The following LRRC75A variants were observed in gnomAD, a reference collection of about 807,000 sequenced individuals.
LRRC75A encodes leucine rich repeat containing 75A.
Under a neutral mutation model 26.0 loss-of-function variants are expected in LRRC75A, and 12 were observed. The observed-to-expected ratio is 0.46, with a 90% CI of 0.30 to 0.75. The LOEUF (loss-of-function observed/expected upper bound fraction) is 0.75. Among genes scored for constraint, LRRC75A ranks in the 30% least tolerant of loss-of-function variants. The pLI is 0.08. For missense variants in LRRC75A, 410 were observed against 486.6 expected (o/e 0.84, Z 1.48); for synonymous variants, 223 against 219.3 (o/e 1.02, Z -0.15).
intron 1 of LRRC75A, among the ~76,000 whole-genome samples, chr17:16,468,678 T>G (rs1169882027): frequency 1.3e-5 from 2 of 152,236 alleles, no homozygotes; most frequent in Non-Finnish European, 2.9e-5. Flanking sequence ...CTGAGCTGTA[T>G]GCTTAAAGAT....
chr17:16,480,454 A>T (rs557142875), intron 1 of LRRC75A, among the ~76,000 whole-genome samples: 10 of 151,910 alleles, frequency 6.6e-5, no homozygotes, highest in African/African-American at 2.4e-4. Flanking sequence ...ACACGGTGAA[A>T]CCCCATATCT....
Position 16,443,833 on chromosome 17 carries a change from T to A in LRRC75A, c.790A>T (p.Thr264Ser), listed in dbSNP as rs768665612. Reference protein sequence around the residue: ...LKDPSKFPNVTWIDLGNNVDI... With the variant: ...LKDPSKFPNVSWIDLGNNVDI... The stretch of plus-strand genomic sequence containing the variant: ...ACGTTGTTGCCCAGGTCAATCCACG[T>A]GACATTGGGGAACTTGCTGGGATCC... Residue 264 changes from threonine to serine, a missense_variant, in exon 4 of 4, where the codon ACG becomes TCG. By Grantham distance (58) the Thr-to-Ser change is moderately conservative. Transcript: ENST00000470794. The A allele has an allele frequency of 1.9e-6, 3 of 1,613,898 alleles. No homozygotes were observed. Among genetic ancestry groups the A allele is most frequent in the Non-Finnish European group, 2.5e-6 (3 of 1,179,886 alleles).
At chr17:16,479,338 G>A (rs761624028) in intron 1 of LRRC75A, among the ~76,000 whole-genome samples, 4 of 152,372 alleles carry the variant, frequency 2.6e-5, no homozygotes, top group Non-Finnish European at 5.9e-5. Flanking sequence ...GGTGATTTGA[G>A]AAGGCTGTGC....
intron 3 of LRRC75A, among the ~76,000 whole-genome samples, chr17:16,445,147 C>CT: frequency 7.0e-6 from 1 of 143,740 alleles, no homozygotes; most frequent in Non-Finnish European, 1.5e-5. Flanking sequence ...ACACGCCTGG[C>CT]CATTTTCTGC....
intron 3 of LRRC75A, among the ~76,000 whole-genome samples, chr17:16,446,404 G>T (rs893211602): frequency 6.6e-6 from 1 of 152,146 alleles, no homozygotes; most frequent in East Asian, 1.9e-4. Context: ...AGAAGGTAGC[G>T]TGTGGACTGA....
chr17:16,463,399 C>G (rs1219960523), intron 1 of LRRC75A: 1 of 152,320 alleles, frequency 6.6e-6, no homozygotes, highest in Non-Finnish European at 1.5e-5. Context: ...GTCCCTGACC[C>G]TAGCTTGGTG....
chr17:16,461,594 C>T (rs2093727945), intron 2 of LRRC75A, among the ~76,000 whole-genome samples: 1 of 152,168 alleles, frequency 6.6e-6, no homozygotes, highest in African/African-American at 2.4e-5. Context: ...CTTCCGAGCT[C>T]CCAGGGCCAG....
intron 1 of LRRC75A, among the ~76,000 whole-genome samples, chr17:16,474,102 G>A (rs147518400): frequency 1.8e-4 from 27 of 152,284 alleles, no homozygotes; most frequent in African/African-American, 6.3e-4. Context: ...GTTGGGAGGC[G>A]CATCAAGCCA....
chr17:16,486,763 C>T (rs2093847978), intron 1 of LRRC75A, among the ~76,000 whole-genome samples: 1 of 152,230 alleles, frequency 6.6e-6, no homozygotes, highest in African/African-American at 2.4e-5. Context: ...AACAGCCAAG[C>T]CCTGTGGACA....
intron 2 of LRRC75A, among the ~76,000 whole-genome samples, chr17:16,449,074 GC>G (rs1424217289): frequency 6.6e-6 from 1 of 152,212 alleles, no homozygotes; most frequent in Non-Finnish European, 1.5e-5. Context: ...CTGCCAGTGG[GC>G]CAGTGCTGAG....
intron 1 of LRRC75A, among the ~76,000 whole-genome samples, chr17:16,482,206 G>A (rs2093835998): frequency 1.3e-5 from 2 of 152,296 alleles, no homozygotes; most frequent in African/African-American, 2.4e-5. Context: ...GTGGGATGGG[G>A]GGCATCACAG....
At chr17:16,473,868 G>A (rs970767465) in intron 1 of LRRC75A, among the ~76,000 whole-genome samples, 3 of 152,158 alleles carry the variant, frequency 2.0e-5, no homozygotes, top group African/African-American at 7.2e-5. Context: ...TCAGCGGGCT[G>A]GGCAGCGATG....
At position 16,491,669 on chromosome 17, in the gene LRRC75A, T is replaced by A. The variant is rs2093857577; in HGVS notation, c.246+76A>T. On this transcript the variant is annotated intron_variant, in intron 1 of 3. Coordinates refer to ENST00000470794, the MANE Select transcript of LRRC75A (RefSeq NM_001113567.3). The surrounding 1 kb of genome is among the most constrained non-coding windows in gnomAD (Gnocchi z 5.9). ...CCTCGGTGCCCCCGGCTTCCTCGGT[T>A]AGGGATGGGGCGCCCCCCCCGGCCC... 1 of 1,116,406 alleles carries A rather than the reference T, an allele frequency of 9.0e-7. No homozygotes were observed. The highest frequency in any genetic ancestry group is 1.1e-6 in the Non-Finnish European group (1 of 878,840). The allele number at this position is 1,116,406 out of a possible 1,614,324, so 69.2% of individuals were successfully genotyped here.
In LRRC75A at chr17:16,481,995, G is replaced by A. The variant is rs183633841; in HGVS notation, c.246+9750C>T. On this transcript the variant is annotated intron_variant, in intron 1 of 3. Coordinates refer to ENST00000470794, the MANE Select transcript of LRRC75A (RefSeq NM_001113567.3). ...GTGTTGGGGGTACTGCCAGGTGCGC[G>A]GTGTCTACTGGGCGGTCTAGGTCCA... Among the ~76,000 whole-genome samples the A allele has an allele frequency of 3.5e-3, 534 of 152,268 alleles. 6 individuals carry two copies. The highest frequency in any genetic ancestry group is 0.012 in the African/African-American group (502 of 41,548).
At position 16,451,483 on chromosome 17, in the gene LRRC75A, T is replaced by G. The variant is rs1217953053; in HGVS notation, c.376-3523A>C. On this transcript the variant is annotated intron_variant, in intron 2 of 3. Transcript: ENST00000470794. ...TAAGAATACAAAAATTAGCTGGGCG[T>G]GACGGCGGGCGCCTGTGATCCCAGC... Among the ~76,000 whole-genome samples, 7 of 151,868 alleles carry G rather than the reference T, an allele frequency of 4.6e-5. No homozygotes were observed. The East Asian group carries it at 1.4e-3, about 30-fold the overall frequency.
chr17:16,484,542 T>C (rs535106294), intron 1 of LRRC75A, among the ~76,000 whole-genome samples: 1 of 151,990 alleles, frequency 6.6e-6, no homozygotes. Context: ...CACCAACCAC[T>C]TCCAGTTCTC....
chr17:16,449,529 T>C (rs1213542781), intron 2 of LRRC75A, among the ~76,000 whole-genome samples: 1 of 152,236 alleles, frequency 6.6e-6, no homozygotes, highest in Non-Finnish European at 1.5e-5. Context: ...AATACCGTGA[T>C]AGCGGCACCA....
intron 1 of LRRC75A, among the ~76,000 whole-genome samples, chr17:16,485,669 T>TGTGTGTGTGTGTGTGTGTGTGTGTG (rs1555893680): frequency 5.3e-5 from 6 of 114,234 alleles, no homozygotes; most frequent in African/African-American, 1.2e-4. Flanking sequence ...TGTGTGTGTG[T>TGTGTGTGTGTGTGTGTGTGTGTGTG]TCGTGTGTGT....
chr17:16,473,724 G>A (rs2093813044), intron 1 of LRRC75A, among the ~76,000 whole-genome samples: 1 of 152,230 alleles, frequency 6.6e-6, no homozygotes, highest in Non-Finnish European at 1.5e-5. Flanking sequence ...TGAGGGTCCA[G>A]GGGCAGCTCA....
Sources: allele counts gnomAD v4.1 joint callset (sites outside exome capture counted in the v4.1 genomes callset), GRCh38; gene constraint gnomAD v4.1.1; non-coding constraint Gnocchi (gnomAD v3.1); transcripts MANE v1.5; gene names NCBI Gene and HGNC (gene_info 2026-07-23, HGNC 2026-07-21).